Variants in SCN9A observed in about 807,000 individuals in gnomAD.
SCN9A encodes the protein sodium channel protein type 9 subunit alpha.
Under a neutral mutation model 187.0 loss-of-function variants are expected in SCN9A, and 131 were observed. That is an observed-to-expected ratio of 0.70 (90% CI 0.61 to 0.81). The LOEUF is 0.81. SCN9A is among the 30% of genes least tolerant of loss of function. SCN9A has a pLI of 0.00. For missense variants in SCN9A, 2,252 were observed against 2,396.6 expected, an observed-to-expected ratio of 0.94 and a Z score of 1.26; for synonymous variants, 809 against 808.6, an observed-to-expected ratio of 1.00 and a Z score of -0.01.
rs2106461363 is a variant in SCN9A, at chr2:166,272,781, A to G, written c.2969T>C (p.Ile990Thr). The change falls in exon 17 of 27, where the codon ATT becomes ACT. Residue 990 changes from isoleucine to threonine, a missense_variant. Physicochemically the swap from Ile to Thr is moderately conservative, Grantham distance 89. Coordinates refer to ENST00000642356, the MANE Select transcript of SCN9A (RefSeq NM_001365536.1). The stretch of plus-strand genomic sequence containing the variant: ...TCCCTTTTTAATTCTAGTCACTGCA[A>G]TCTGGAGGTTGTTTGCATCAGGGTC... The part of the protein sequence containing the change: ...EEDPDANNLQ[I>T]AVTRIKKGIN... The G allele has an allele frequency of 5.9e-6, 9 of 1,529,202 alleles. No individual in the cohort carries two copies. The highest frequency in any genetic ancestry group is 1.4e-5 in the South Asian group (1 of 74,066). The allele number at this position is 1,529,202 out of a possible 1,614,324, so 94.7% of individuals were successfully genotyped here.
At chr2:166,363,314 T>G (rs952807407) in intron 1 of SCN9A, among the ~76,000 whole-genome samples, 4 of 152,074 alleles carry the variant, frequency 2.6e-5, no homozygotes, top group African/African-American at 9.6e-5. Context: ...TACTCAAGTA[T>G]TAAGCACCTT....
At chr2:166,271,956 C>T (rs61567448) in intron 17 of SCN9A, among the ~76,000 whole-genome samples, 21,222 of 151,740 alleles carry the variant, frequency 0.14, 1,700 homozygotes, top group East Asian at 0.36. Flanking sequence ...TCTGCATGAG[C>T]GAAAATAATC....
chr2:166,340,284 A>G (rs2893013), intron 1 of SCN9A, among the ~76,000 whole-genome samples: 28,708 of 152,096 alleles, frequency 0.19, 3,405 homozygotes, highest in African/African-American at 0.33. Flanking sequence ...TAACATTGAC[A>G]TATCTATTAC....
At chr2:166,358,112 C>T (rs989135003) in intron 1 of SCN9A, among the ~76,000 whole-genome samples, 1 of 150,996 alleles carries the variant, frequency 6.6e-6, no homozygotes, top group South Asian at 2.1e-4. Flanking sequence ...TCTCATTGCC[C>T]AGGCTGGAGT....
chr2:166,256,917 C>A (rs1383983608), intron 17 of SCN9A, among the ~76,000 whole-genome samples: 1 of 151,516 alleles, frequency 6.6e-6, no homozygotes, highest in Admixed American at 6.6e-5. Flanking sequence ...ACTTACGTGA[C>A]TAAATGATAA....
chr2:166,268,535 A>G (rs1696840866), intron 17 of SCN9A, among the ~76,000 whole-genome samples: 1 of 151,980 alleles, frequency 6.6e-6, no homozygotes, highest in African/African-American at 2.4e-5. Flanking sequence ...AAGTTAGCAT[A>G]GGAGGATTAA....
intron 8 of SCN9A, 148 bp from the exon 9 acceptor site, chr2:166,293,520 T>C (rs936170991): frequency 1.6e-6 from 1 of 631,190 alleles, no homozygotes; most frequent in Non-Finnish European, 2.5e-6. Flanking sequence ...TACTGACTAC[T>C]TAGTGACTTT....
In SCN9A at chr2:166,201,651, GTA is replaced by G. The variant is rs1242064949; in HGVS notation, c.4775-1789_4775-1788del. On this transcript the variant is annotated intron_variant, in intron 26 of 26. Transcript: ENST00000642356. ...ATACTATATATATAGTATAGAGTAT[GTA>G]TATATATAGTATACATATATACATA... is the stretch of plus-strand genomic sequence containing the variant. Among the ~76,000 whole-genome samples the G allele has an allele frequency of 9.1e-5, 6 of 66,222 alleles. 2 individuals are homozygous for G. Among genetic ancestry groups the G allele is most frequent in the South Asian group, 4.9e-4 (1 of 2,040 alleles). The allele number at this position is 66,222 out of a possible 152,430, so 43.4% of individuals were successfully genotyped here.
rs975868553 is a variant in SCN9A at position 166,277,639 on chromosome 2, T to A, written c.2518-300A>T. ...TTTTTCTTTTAGAATTGATAATTTA[T>A]CCTTAATTCTACTTTCTAATACTTT... On this transcript the variant is annotated intron_variant, in intron 15 of 26. Coordinates refer to ENST00000642356, the MANE Select transcript of SCN9A (RefSeq NM_001365536.1). 4 of 294,594 alleles carry A rather than the reference T, an allele frequency of 1.4e-5. No homozygotes were observed. The East Asian group carries it at 1.8e-4, about 14-fold the overall frequency. 18.2% of individuals were successfully genotyped at this position (294,594 alleles called of 1,614,324 possible).
chr2:166,317,531 A>G (rs1401031112), intron 1 of SCN9A, among the ~76,000 whole-genome samples: 2 of 152,316 alleles, frequency 1.3e-5, no homozygotes, highest in Middle Eastern at 3.4e-3. Context: ...AAGATTTCCT[A>G]TAGTTAAAAT....
At chr2:166,283,773 T>G (rs536462602) in intron 12 of SCN9A, among the ~76,000 whole-genome samples, 50 of 152,312 alleles carry the variant, frequency 3.3e-4, no homozygotes, top group African/African-American at 1.1e-3. Context: ...CTAAATTTTT[T>G]CAAGATAAGA....
intron 24 of SCN9A, among the ~76,000 whole-genome samples, chr2:166,211,326 A>ACTT (rs1249425121): frequency 1.3e-5 from 2 of 152,122 alleles, no homozygotes; most frequent in Non-Finnish European, 2.9e-5. Flanking sequence ...AAGGATAAAA[A>ACTT]CTTTCTCATA....
At chr2:166,335,486 T>G (rs1699604048) in intron 1 of SCN9A, among the ~76,000 whole-genome samples, 1 of 152,130 alleles carries the variant, frequency 6.6e-6, no homozygotes, top group Non-Finnish European at 1.5e-5. Flanking sequence ...GCTGTGTTAG[T>G]GTGGACACTG....
intron 24 of SCN9A, among the ~76,000 whole-genome samples, chr2:166,209,888 A>C (rs1306035115): frequency 6.6e-6 from 1 of 152,216 alleles, no homozygotes; most frequent in Non-Finnish European, 1.5e-5. Context: ...CCACTGTGGA[A>C]GTCCGTGTGG....
At position 166,294,593 on chromosome 2, in the gene SCN9A, A is replaced by G; in HGVS notation, c.965+6T>C. ...TTAGACTAAAAAGAAAACAAATATT[A>G]CATACCCTGAATCTGTGCTGAAACC... On this transcript the variant is annotated splice_donor_region_variant and intron_variant, in intron 8 of 26. Transcript: ENST00000642356. The G allele has an allele frequency of 1.2e-6, 2 of 1,603,102 alleles. No homozygotes were observed. Among genetic ancestry groups the G allele is most frequent in the South Asian group, 1.1e-5 (1 of 89,786 alleles).
intron 18 of SCN9A, among the ~76,000 whole-genome samples, chr2:166,245,087 C>CT (rs1415979335): frequency 3.9e-5 from 6 of 151,932 alleles, no homozygotes; most frequent in African/African-American, 1.4e-4. Context: ...TTCTTCATTT[C>CT]TTTTTTATTT....
intron 1 of SCN9A, among the ~76,000 whole-genome samples, chr2:166,326,698 T>C (rs1421314391): frequency 3.3e-5 from 5 of 152,170 alleles, no homozygotes; most frequent in African/African-American, 1.2e-4. Flanking sequence ...AATACTTTTC[T>C]TTTTTTATGA....
At chr2:166,232,782 T>C (rs1052842569) in intron 21 of SCN9A, among the ~76,000 whole-genome samples, 9 of 148,976 alleles carry the variant, frequency 6.0e-5, no homozygotes, top group African/African-American at 1.5e-4. Context: ...ATATATATAC[T>C]AATATGTACA....
At chr2:166,319,589 C>G (rs939902675) in intron 1 of SCN9A, among the ~76,000 whole-genome samples, 3 of 152,020 alleles carry the variant, frequency 2.0e-5, no homozygotes, top group African/African-American at 7.2e-5. Flanking sequence ...AATTCCTCCT[C>G]TAGATCAAAC....
Sources: gnomAD v4.1 joint callset for allele counts (sites outside exome capture counted in the v4.1 genomes callset) on GRCh38, gnomAD v4.1.1 for gene constraint, MANE v1.5 for transcripts, NCBI Gene and HGNC (gene_info 2026-07-23, HGNC 2026-07-21) for gene names.